The following ADAMTS17 variants were observed in gnomAD, a reference collection of about 807,000 sequenced individuals.
ADAMTS17 encodes the protein A disintegrin and metalloproteinase with thrombospondin motifs 17.
ADAMTS17 carries 113 observed loss-of-function variants against 141.5 expected under a neutral mutation model. The ratio of observed to expected loss-of-function variants is 0.80; its 90% CI spans 0.69 to 0.93. The LOEUF is 0.93. Ranked by LOEUF, ADAMTS17 falls within the 40% of genes least tolerant of loss-of-function variation. The pLI, the probability that ADAMTS17 is intolerant of heterozygous loss-of-function variation, is 0.00. For missense variants in ADAMTS17, 1,659 were observed against 1,517.9 expected, an observed-to-expected ratio of 1.09 and a Z score of -1.54; for synonymous variants, 768 against 630.6, an observed-to-expected ratio of 1.22 and a Z score of -3.27.
chr15:100,044,757 C>G (rs572810494), intron 18 of ADAMTS17, among the ~76,000 whole-genome samples: 2 of 152,036 alleles, frequency 1.3e-5, no homozygotes, highest in South Asian at 4.2e-4. Flanking sequence ...CACTAATCAA[C>G]AGCAGCACTG....
chr15:100,236,047 C>T (rs1490752533), intron 7 of ADAMTS17, among the ~76,000 whole-genome samples: 2 of 152,122 alleles, frequency 1.3e-5, no homozygotes, highest in Non-Finnish European at 2.9e-5. Flanking sequence ...AGTCAATATC[C>T]TAATGATCAC....
At chr15:100,122,179 T>G (rs921192368) in intron 12 of ADAMTS17, among the ~76,000 whole-genome samples, 1 of 152,226 alleles carries the variant, frequency 6.6e-6, no homozygotes, top group African/African-American at 2.4e-5. Flanking sequence ...CACAGGATGC[T>G]ACCTGCTTCT....
intron 3 of ADAMTS17, among the ~76,000 whole-genome samples, chr15:100,291,132 A>G (rs920061365): frequency 1.3e-5 from 2 of 152,238 alleles, no homozygotes; most frequent in Admixed American, 6.5e-5. Context: ...TACAGAATCT[A>G]TAAGGAATGC....
chr15:100,056,339 C>A (rs1302412509), intron 15 of ADAMTS17, among the ~76,000 whole-genome samples: 3 of 151,488 alleles, frequency 2.0e-5, no homozygotes, highest in Admixed American at 1.3e-4. Flanking sequence ...TAGAAAAAAC[C>A]AAGGGGCCAG....
In ADAMTS17 at chr15:99,973,271, C is replaced by T. The variant is rs999004930; in HGVS notation, c.*1131G>A. Reference sequence around the variant, plus strand: ...CAAAGTCTGGGGCTACAGGAAGGCTCGGCGGGTGTGCAGCAGTGCCAGCCA... The same window carrying T: ...CAAAGTCTGGGGCTACAGGAAGGCTTGGCGGGTGTGCAGCAGTGCCAGCCA... On this transcript the variant is annotated 3_prime_UTR_variant, in exon 22 of 22. Coordinates refer to ENST00000268070, the MANE Select transcript of ADAMTS17 (RefSeq NM_139057.4). The T allele has an allele frequency of 1.7e-4, 26 of 152,370 alleles. No homozygotes were observed. Among genetic ancestry groups the T allele is most frequent in the Middle Eastern group, 3.4e-3 (1 of 296 alleles). The allele number at this position is 152,370 out of a possible 1,614,324, so 9.4% of individuals were successfully genotyped here.
At position 100,199,419 on chromosome 15, in the gene ADAMTS17, A is replaced by C. The variant is rs1209415588; in HGVS notation, c.1080T>G (p.Ile360Met). 20 of 1,613,908 alleles carry C rather than the reference A, an allele frequency of 1.2e-5. No individual in the cohort carries two copies. Among genetic ancestry groups the C allele is most frequent in the Non-Finnish European group, 1.7e-5 (20 of 1,179,918 alleles). Residue 360 changes from isoleucine (I) to methionine (M), a missense_variant, in exon 8 of 22, where the codon ATT becomes ATG. Transcript: ENST00000268070. ...HKDEPCDTVG[I>M]AYLGGVCSAK... is the part of the protein sequence containing the mutation. ...CACTGCACACACCTCCTAAGTAAGC[A>C]ATTCCTGCAGCAGAGACACAAAACA...
intron 10 of ADAMTS17, among the ~76,000 whole-genome samples, chr15:100,134,231 C>T (rs1489732165): frequency 6.6e-6 from 1 of 152,176 alleles, no homozygotes; most frequent in Non-Finnish European, 1.5e-5. Flanking sequence ...GGGGGGATGG[C>T]CCCGCTGCCG....
chr15:100,262,853 G>A (rs1433586826), intron 4 of ADAMTS17, among the ~76,000 whole-genome samples: 1 of 149,658 alleles, frequency 6.7e-6, no homozygotes, highest in Non-Finnish European at 1.5e-5. Context: ...CATACATCAA[G>A]TCTTATTGGA....
intron 14 of ADAMTS17, among the ~76,000 whole-genome samples, chr15:100,106,585 C>A (rs544462929): frequency 2.0e-5 from 3 of 152,336 alleles, no homozygotes; most frequent in Admixed American, 2.0e-4. Flanking sequence ...GCCAGTAACA[C>A]AGACCCCACT....
At position 100,216,774 on chromosome 15, in the gene ADAMTS17, C is replaced by T. The variant is rs74891311; in HGVS notation, c.1076-17351G>A. On this transcript the variant is annotated intron_variant, in intron 7 of 21. Coordinates refer to ENST00000268070, the MANE Select transcript of ADAMTS17 (RefSeq NM_139057.4). ...AGGCCCACCTAACAATTCACCCCTG[C>T]TCATCAAGGGGAAAGAGAACTCTTC... 6.6e-3 allele frequency among the ~76,000 whole-genome samples: 1,001 copies of T among 152,308 alleles called. 33 individuals carry two copies. The East Asian group carries it at 0.12, about 19-fold the overall frequency.
At chr15:100,033,738 G>A (rs912209304) in intron 18 of ADAMTS17, among the ~76,000 whole-genome samples, 3 of 152,178 alleles carry the variant, frequency 2.0e-5, no homozygotes, top group African/African-American at 7.2e-5. Context: ...CAGCCAATTC[G>A]GGGATCTTCT....
intron 18 of ADAMTS17, among the ~76,000 whole-genome samples, chr15:100,005,166 T>G (rs1430913206): frequency 6.6e-6 from 1 of 152,216 alleles, no homozygotes; most frequent in Non-Finnish European, 1.5e-5. Context: ...CTGACTCAGT[T>G]CCTCTGCATA....
intron 15 of ADAMTS17, among the ~76,000 whole-genome samples, chr15:100,060,287 C>T (rs1365647779): frequency 6.6e-6 from 1 of 152,228 alleles, no homozygotes; most frequent in African/African-American, 2.4e-5. Context: ...TTCTGTGGGG[C>T]ACCACACGGG....
chr15:100,316,063 T>A (rs1007150157), intron 3 of ADAMTS17, among the ~76,000 whole-genome samples: 4 of 152,250 alleles, frequency 2.6e-5, no homozygotes, highest in African/African-American at 7.2e-5. Flanking sequence ...AGGTTGTTCA[T>A]GCAGGAAGAA....
At chr15:99,982,938 A>G (rs770780607) in intron 20 of ADAMTS17, among the ~76,000 whole-genome samples, 200 of 152,320 alleles carry the variant, frequency 1.3e-3, no homozygotes, top group Non-Finnish European at 2.2e-3. Flanking sequence ...AAAAACAGGA[A>G]CAAAATTGTT....
At chr15:99,992,802 CA>C (rs1319627103) in intron 20 of ADAMTS17, among the ~76,000 whole-genome samples, 5 of 152,230 alleles carry the variant, frequency 3.3e-5, no homozygotes, top group Non-Finnish European at 7.3e-5. Flanking sequence ...GTTCCTTCTG[CA>C]TGCACGTGAA....
intron 12 of ADAMTS17, among the ~76,000 whole-genome samples, chr15:100,121,963 CAG>C (rs1057162198): frequency 3.3e-5 from 5 of 152,160 alleles, no homozygotes; most frequent in African/African-American, 1.2e-4. Context: ...TGTGGCTTCC[CAG>C]AGAGTTCCAC....
chr15:100,323,088 A>G (rs1289936049), intron 3 of ADAMTS17, among the ~76,000 whole-genome samples: 1 of 150,452 alleles, frequency 6.6e-6, no homozygotes, highest in Non-Finnish European at 1.5e-5. Flanking sequence ...CCGTCTCAAA[A>G]AAAAAAAAAA....
chr15:100,013,401 G>C (rs933562668), intron 18 of ADAMTS17, among the ~76,000 whole-genome samples: 13 of 152,102 alleles, frequency 8.5e-5, no homozygotes, highest in African/African-American at 3.1e-4. Flanking sequence ...GATTGCTCTG[G>C]ATAGGACTTC....
Sources: allele counts gnomAD v4.1 joint callset (sites outside exome capture counted in the v4.1 genomes callset), GRCh38; gene constraint gnomAD v4.1.1; transcripts MANE v1.5; gene names NCBI Gene and HGNC (gene_info 2026-07-23, HGNC 2026-07-21).